FAM13B: variants seen among roughly 807,000 people sequenced by gnomAD.
The protein encoded by FAM13B is family with sequence similarity 13 member B.
FAM13B carries 60 observed loss-of-function variants against 117.3 expected under a neutral mutation model. The ratio of observed to expected loss-of-function variants is 0.51; its 90% CI spans 0.42 to 0.63. The LOEUF (loss-of-function observed/expected upper bound fraction) is 0.63, where lower values mean the gene tolerates loss of function less well. Ranked by LOEUF, FAM13B falls within the 30% of genes least tolerant of loss-of-function variation. The pLI is 0.00. For missense variants in FAM13B, 972 were observed against 1,091.9 expected (o/e 0.89, Z 1.55); for synonymous variants, 332 against 356.1 (o/e 0.93, Z 0.76).
chr5:137,999,095 C>T (rs990934260), intron 7 of FAM13B, among the ~76,000 whole-genome samples: 6 of 150,794 alleles, frequency 4.0e-5, no homozygotes, highest in African/African-American at 1.5e-4. Flanking sequence ...TCTGAATTGC[C>T]TTCAGGGTCT....
At position 137,942,928 on chromosome 5, in the gene FAM13B, A is replaced by C; in HGVS notation, c.2535T>G (p.Asn845Lys). ...LENSESDVEE[N>K]QEKLALDLRL... is the part of the protein sequence containing the mutation. ...GGAGATCCAGAGCCAGTTTTTCTTGATTTTCTTCAACATCAGATTCAGAGT... is the reference window on the plus strand; with the variant it reads ...GGAGATCCAGAGCCAGTTTTTCTTGCTTTTCTTCAACATCAGATTCAGAGT... Residue 845 changes from asparagine (N) to lysine (K), a missense_variant, in exon 22 of 24, where the codon AAT becomes AAG. Physicochemically the swap from Asn to Lys is moderately conservative, Grantham distance 94. Coordinates refer to ENST00000689681, the MANE Select transcript of FAM13B (RefSeq NM_001385994.1). 1 of 1,613,542 alleles carries C rather than the reference A, an allele frequency of 6.2e-7. No individual in the cohort carries two copies. Among genetic ancestry groups the C allele is most frequent in the Non-Finnish European group, 8.5e-7 (1 of 1,179,900 alleles).
chr5:137,949,070 T>C lies in FAM13B; in HGVS notation c.2045A>G (p.Asp682Gly), dbSNP rs767516771. The C allele has an allele frequency of 6.2e-7, 1 of 1,614,128 alleles. No individual in the cohort carries two copies. The highest frequency in any genetic ancestry group is 8.5e-7 in the Non-Finnish European group (1 of 1,180,004). ...SLDHEDEENE[D>G]EPKVIQKEKK... ...CTCCTTCTGAATGACCTTGGGTTCATCTTCATTCTCTTCATCTTCATGGTC... is the reference window on the plus strand; with the variant it reads ...CTCCTTCTGAATGACCTTGGGTTCACCTTCATTCTCTTCATCTTCATGGTC... Residue 682 changes from aspartate to glycine, a missense_variant, in exon 18 of 24, where the codon GAT becomes GGT. Asp to Gly is a moderately conservative substitution (Grantham distance 94). Transcript: ENST00000689681.
intron 4 of FAM13B, among the ~76,000 whole-genome samples, chr5:138,015,789 C>A (rs1317539135): frequency 6.6e-6 from 1 of 152,188 alleles, no homozygotes; most frequent in Non-Finnish European, 1.5e-5. Flanking sequence ...CCCAAAATAA[C>A]TAAATGAATG....
intron 19 of FAM13B, 100 bp downstream of exon 19, chr5:137,946,128 T>A (rs996552947): frequency 1.6e-6 from 2 of 1,269,918 alleles, no homozygotes; most frequent in Admixed American, 2.1e-5. Flanking sequence ...TTGTAGGAAA[T>A]AATGCTCAAA....
intron 18 of FAM13B, 29 bp from the exon 19 acceptor site, chr5:137,946,340 T>TAAAAAAAAAAAAAAAACAAAAA: frequency 8.2e-7 from 1 of 1,219,540 alleles, no homozygotes; most frequent in South Asian, 2.1e-5. Context: ...AATAACAAAA[T>TAAAAAAAAAAAAAAAACAAAAA]ACAAAAAAAA....
intron 1 of FAM13B, among the ~76,000 whole-genome samples, chr5:138,045,507 T>C (rs903368777): frequency 1.3e-5 from 2 of 151,904 alleles, no homozygotes; most frequent in East Asian, 1.9e-4. Context: ...CACTTCAGCC[T>C]GGGCAACAGA....
At chr5:138,001,849 G>T (rs1438921921) in intron 7 of FAM13B, among the ~76,000 whole-genome samples, 1 of 152,108 alleles carries the variant, frequency 6.6e-6, no homozygotes, top group Non-Finnish European at 1.5e-5. Flanking sequence ...CAGTGCAAAG[G>T]CTCAAGTAGA....
intron 23 of FAM13B, 166 bp from the exon 24 acceptor site, chr5:137,940,514 G>A: frequency 1.8e-6 from 1 of 553,218 alleles, no homozygotes. Flanking sequence ...TCATCCCCAA[G>A]GAACACTTCT....
chr5:137,992,647 G>T (rs1292834839), intron 7 of FAM13B, among the ~76,000 whole-genome samples: 1 of 151,982 alleles, frequency 6.6e-6, no homozygotes, highest in African/African-American at 2.4e-5. Flanking sequence ...GTTCACAAAA[G>T]TAGGAATCAG....
intron 18 of FAM13B, among the ~76,000 whole-genome samples, chr5:137,948,462 A>T (rs1400263002): frequency 6.6e-6 from 1 of 152,096 alleles, no homozygotes; most frequent in Non-Finnish European, 1.5e-5. Flanking sequence ...CTGGAGGCAC[A>T]GCTCACTGCA....
chr5:137,957,817 G>A (rs1019437181), intron 13 of FAM13B, among the ~76,000 whole-genome samples: 2 of 152,154 alleles, frequency 1.3e-5, no homozygotes, highest in Non-Finnish European at 2.9e-5. Flanking sequence ...GGCATCAGCA[G>A]CCTACAGGTT....
chr5:138,014,345 G>A (rs1372549263), intron 4 of FAM13B, among the ~76,000 whole-genome samples: 2 of 152,208 alleles, frequency 1.3e-5, no homozygotes, highest in Admixed American at 6.5e-5. Flanking sequence ...TTAGGAACTG[G>A]GCCATACAGC....
At chr5:138,006,041 GGC>G (rs1329917550) in intron 7 of FAM13B, among the ~76,000 whole-genome samples, 1 of 151,858 alleles carries the variant, frequency 6.6e-6, no homozygotes, top group Non-Finnish European at 1.5e-5. Context: ...TGGGACTACA[GGC>G]GCGCGCCACC....
intron 10 of FAM13B, among the ~76,000 whole-genome samples, chr5:137,966,683 A>T (rs943537043): frequency 2.0e-5 from 3 of 152,052 alleles, no homozygotes; most frequent in African/African-American, 7.2e-5. Flanking sequence ...AATTTAAACA[A>T]GATACCATTA....
intron 10 of FAM13B, among the ~76,000 whole-genome samples, chr5:137,977,418 C>G (rs985055237): frequency 3.4e-4 from 51 of 152,160 alleles, no homozygotes; most frequent in Admixed American, 2.9e-3. Context: ...TACACTCCCT[C>G]TCCTTTTGAA....
Position 137,944,763 on chromosome 5 carries a change from CAAAA to C in FAM13B, c.2340+1135_2340+1138del, listed in dbSNP as rs56204519. ...ACAGAGCGAGACTCCATCTCAAAAA[CAAAA>C]AAAAAAAAAAACAAAATCATGTCCT... On this transcript the variant is annotated intron_variant, in intron 20 of 23. Coordinates refer to ENST00000689681, the MANE Select transcript of FAM13B (RefSeq NM_001385994.1). 2.2e-4 allele frequency among the ~76,000 whole-genome samples: 33 copies of C among 147,656 alleles called. No homozygotes were observed. The South Asian group carries it at 3.0e-3, about 13-fold the overall frequency.
At chr5:137,949,259 CACA>C (rs1470078643) in intron 17 of FAM13B, 75 bp from the exon 18 acceptor site, 25 of 1,085,622 alleles carry the variant, frequency 2.3e-5, no homozygotes, top group East Asian at 1.4e-4. Flanking sequence ...AAGCAAAATA[CACA>C]ACAAGAAAGT....
intron 10 of FAM13B, among the ~76,000 whole-genome samples, chr5:137,964,515 G>A (rs1769093090): frequency 6.6e-6 from 1 of 150,838 alleles, no homozygotes; most frequent in South Asian, 2.1e-4. Context: ...GAGATCAGGA[G>A]TTTGAGACCA....
intron 1 of FAM13B, among the ~76,000 whole-genome samples, chr5:138,022,414 G>A (rs1455837910): frequency 6.6e-6 from 1 of 152,160 alleles, no homozygotes; most frequent in African/African-American, 2.4e-5. Flanking sequence ...TGCCCAAGAA[G>A]CTTCAGGTAA....
Sources: allele counts gnomAD v4.1 joint callset (sites outside exome capture counted in the v4.1 genomes callset), GRCh38; gene constraint gnomAD v4.1.1; transcripts MANE v1.5; gene names NCBI Gene and HGNC (gene_info 2026-07-23, HGNC 2026-07-21).